Variants in RAD51B observed in about 807,000 individuals in gnomAD.
RAD51B encodes DNA repair protein RAD51 homolog 2.
RAD51B carries 38 observed loss-of-function variants against 42.2 expected under a neutral mutation model. That is an observed-to-expected ratio of 0.90 (90% CI 0.70 to 1.18). The LOEUF (loss-of-function observed/expected upper bound fraction) is 1.18, where lower values mean the gene tolerates loss of function less well. Among genes scored for constraint, RAD51B ranks in the 50% most tolerant of loss-of-function variants. The pLI is 0.00. For synonymous variants in RAD51B, 154 were observed against 145.2 expected (o/e 1.06, Z -0.43); for missense variants, 373 against 400.7 (o/e 0.93, Z 0.59).
At chr14:68,628,707 G>C (rs554534123) in intron 10 of RAD51B, among the ~76,000 whole-genome samples, 14 of 152,264 alleles carry the variant, frequency 9.2e-5, no homozygotes, top group East Asian at 1.9e-4. Flanking sequence ...CAGAGGGTAG[G>C]GGGTGAGGAG....
chr14:68,289,786 G>T lies in RAD51B; in HGVS notation c.757-2098G>T, dbSNP rs571759473. Among the ~76,000 whole-genome samples the T allele has an allele frequency of 3.9e-5, 6 of 152,112 alleles. No homozygotes were observed. In the South Asian group the frequency reaches 1.2e-3, roughly 32 times the overall value. ...AGAGCTGAACAGTTATTTCAAGGAGGCTACTTGACCATTTCCAGCCACTTT... is the reference window on the plus strand; with the variant it reads ...AGAGCTGAACAGTTATTTCAAGGAGTCTACTTGACCATTTCCAGCCACTTT... On this transcript the variant is annotated intron_variant, in intron 7 of 10. Coordinates refer to ENST00000471583, the MANE Select transcript of RAD51B (RefSeq NM_133510.4).
At chr14:68,450,034 T>C (rs900472583) in intron 9 of RAD51B, among the ~76,000 whole-genome samples, 9 of 152,048 alleles carry the variant, frequency 5.9e-5, no homozygotes, top group African/African-American at 2.2e-4. Flanking sequence ...TTAAGATGGG[T>C]ACCCTAGGGG....
chr14:68,169,928 T>A (rs182593276), intron 7 of RAD51B, among the ~76,000 whole-genome samples: 3 of 152,238 alleles, frequency 2.0e-5, no homozygotes, highest in Non-Finnish European at 4.4e-5. Context: ...GTTTTGTGTA[T>A]GTGATCACAA....
At chr14:68,451,964 G>A (rs2085567082) in intron 9 of RAD51B, among the ~76,000 whole-genome samples, 1 of 152,140 alleles carries the variant, frequency 6.6e-6, no homozygotes, top group Non-Finnish European at 1.5e-5. Context: ...TGAGTTCCTG[G>A]CATCTTTTTA....
chr14:67,846,361 G>A (rs990103550), intron 4 of RAD51B, among the ~76,000 whole-genome samples: 1 of 152,178 alleles, frequency 6.6e-6, no homozygotes, highest in Non-Finnish European at 1.5e-5. Context: ...CAATGGCCAC[G>A]CAGTGGTGGG....
intron 7 of RAD51B, among the ~76,000 whole-genome samples, chr14:68,122,150 G>T (rs558064108): frequency 6.6e-6 from 1 of 152,092 alleles, no homozygotes; most frequent in Non-Finnish European, 1.5e-5. Context: ...GAATATCTAA[G>T]GTTATTTAAG....
intron 7 of RAD51B, among the ~76,000 whole-genome samples, chr14:68,184,536 T>C (rs1218410222): frequency 6.8e-6 from 1 of 147,466 alleles, no homozygotes; most frequent in African/African-American, 2.5e-5. Flanking sequence ...TGAGCCACTG[T>C]GCCTTACTGC....
At chr14:67,826,528 G>A (rs1390835400) in intron 3 of RAD51B, among the ~76,000 whole-genome samples, 1 of 152,116 alleles carries the variant, frequency 6.6e-6, no homozygotes, top group Non-Finnish European at 1.5e-5. Flanking sequence ...TATTTATGTG[G>A]ACTGTAAGTT....
At chr14:68,593,718 G>C (rs1890859588) in intron 10 of RAD51B, among the ~76,000 whole-genome samples, 1 of 152,196 alleles carries the variant, frequency 6.6e-6, no homozygotes, top group South Asian at 2.1e-4. Context: ...TGGGCACAAA[G>C]AGAGGCTCCC....
intron 7 of RAD51B, among the ~76,000 whole-genome samples, chr14:68,096,345 T>C (rs2077194076): frequency 6.6e-6 from 1 of 152,224 alleles, no homozygotes; most frequent in Non-Finnish European, 1.5e-5. Flanking sequence ...CAAATGTATT[T>C]ATAGAATATT....
At chr14:67,862,526 A>T (rs1384774023) in intron 4 of RAD51B, among the ~76,000 whole-genome samples, 1 of 152,148 alleles carries the variant, frequency 6.6e-6, no homozygotes, top group African/African-American at 2.4e-5. Context: ...GTGAAGGAAG[A>T]TCAATAAAAA....
intron 7 of RAD51B, among the ~76,000 whole-genome samples, chr14:67,961,919 T>G (rs2074677312): frequency 1.3e-5 from 2 of 152,148 alleles, no homozygotes; most frequent in African/African-American, 4.8e-5. Context: ...GATAAAAGCC[T>G]TTTGGGCTTT....
At chr14:68,105,649 A>G (rs757522449) in intron 7 of RAD51B, among the ~76,000 whole-genome samples, 23 of 152,050 alleles carry the variant, frequency 1.5e-4, no homozygotes, top group Admixed American at 7.2e-4. Context: ...TGTAAAATCT[A>G]TACCCAGGAT....
chr14:68,260,318 T>TGTGTGTGTGTGTGTGTGTGTGTGTGG (rs1049368684), intron 7 of RAD51B, among the ~76,000 whole-genome samples: 1 of 128,044 alleles, frequency 7.8e-6, no homozygotes. Context: ...TGTGTGTGTG[T>TGTGTGTGTGTGTGTGTGTGTGTGTGG]GGAGAGGGGA....
intron 4 of RAD51B, among the ~76,000 whole-genome samples, chr14:67,844,923 A>G (rs2041560545): frequency 6.6e-6 from 1 of 151,744 alleles, no homozygotes; most frequent in Admixed American, 6.6e-5. Context: ...TATAATAGCA[A>G]CCCCTACTTT....
intron 10 of RAD51B, among the ~76,000 whole-genome samples, chr14:68,602,445 CAACA>C (rs1891256454): frequency 6.6e-6 from 1 of 151,800 alleles, no homozygotes; most frequent in Non-Finnish European, 1.5e-5. Context: ...GAAACAGAAC[CAACA>C]GGGTTGGATG....
chr14:68,084,303 G>C (rs894546797), intron 7 of RAD51B, among the ~76,000 whole-genome samples: 4 of 152,092 alleles, frequency 2.6e-5, no homozygotes, highest in Admixed American at 2.0e-4. Context: ...CTAATCCTGT[G>C]ACATTTTGAA....
intron 10 of RAD51B, among the ~76,000 whole-genome samples, chr14:68,484,495 C>T (rs1038385590): frequency 3.3e-5 from 5 of 151,724 alleles, no homozygotes; most frequent in African/African-American, 1.2e-4. Context: ...GTAGCTGGGA[C>T]TACAGGCGCC....
At chr14:68,598,543 A>C (rs1001306835), downstream of RAD51B, among the ~76,000 whole-genome samples, 2 of 152,270 alleles carry the variant, frequency 1.3e-5, no homozygotes, top group African/African-American at 4.8e-5. Flanking sequence ...TAGCAGATCC[A>C]GGAGTAAAAC....
Sources: allele counts gnomAD v4.1 joint callset (sites outside exome capture counted in the v4.1 genomes callset), GRCh38; gene constraint gnomAD v4.1.1; transcripts MANE v1.5; gene names NCBI Gene and HGNC (gene_info 2026-07-23, HGNC 2026-07-21).